Variants in WWOX observed in about 807,000 individuals in gnomAD.
WWOX encodes the protein WW domain containing oxidoreductase, also known as WW domain-containing oxidoreductase.
Under a neutral mutation model 46.2 loss-of-function variants are expected in WWOX, and 69 were observed. The ratio of observed to expected loss-of-function variants is 1.49; its 90% CI spans 1.23 to 1.82. WWOX has a LOEUF of 1.82. Ranked by LOEUF, WWOX falls within the 40% of genes most tolerant of loss-of-function variation. The pLI, the probability that WWOX is intolerant of heterozygous loss-of-function variation, is 0.00. For missense variants in WWOX, 919 were observed against 542.6 expected (o/e 1.69, Z -6.89); for synonymous variants, 359 against 202.6 (o/e 1.77, Z -6.56).
chr16:78,801,543 A>G (rs2050889984), intron 8 of WWOX, among the ~76,000 whole-genome samples: 1 of 152,160 alleles, frequency 6.6e-6, no homozygotes, highest in Non-Finnish European at 1.5e-5. Context: ...TTAGCTTCCG[A>G]TGAGGATATT....
intron 8 of WWOX, among the ~76,000 whole-genome samples, chr16:78,699,390 T>TC (rs1280503011): frequency 1.4e-5 from 2 of 141,170 alleles, no homozygotes; most frequent in Non-Finnish European, 3.0e-5. Context: ...AAAAAAAAAA[T>TC]TAGCCAGGCG....
chr16:78,698,582 A>T (rs917925543), intron 8 of WWOX, among the ~76,000 whole-genome samples: 5 of 152,216 alleles, frequency 3.3e-5, no homozygotes, highest in South Asian at 2.1e-4. Context: ...TAAAAATATT[A>T]TGCTACATTT....
chr16:79,086,481 TGTG>T (rs1395633570), intron 8 of WWOX, among the ~76,000 whole-genome samples: 4 of 152,216 alleles, frequency 2.6e-5, no homozygotes, highest in Non-Finnish European at 4.4e-5. Context: ...TATCAAAACT[TGTG>T]GTGGAAGCAA....
At chr16:78,952,647 G>T (rs981278056) in intron 8 of WWOX, among the ~76,000 whole-genome samples, 2 of 152,070 alleles carry the variant, frequency 1.3e-5, no homozygotes, top group Non-Finnish European at 2.9e-5. Flanking sequence ...GCTTCCCAAA[G>T]TGCTGGGTTT....
chr16:78,760,716 A>G (rs1171286100), intron 8 of WWOX, among the ~76,000 whole-genome samples: 4 of 152,228 alleles, frequency 2.6e-5, no homozygotes, highest in Admixed American at 6.5e-5. Flanking sequence ...GCTGTGGGAC[A>G]TGAGACTCTT....
chr16:78,392,615 CTGTACTT>C (rs2151938414), intron 6 of WWOX, among the ~76,000 whole-genome samples: 1 of 152,258 alleles, frequency 6.6e-6, no homozygotes, highest in East Asian at 1.9e-4. Context: ...TTTCTGCAGT[CTGTACTT>C]TGGTGATTGC....
At chr16:78,690,317 G>A (rs1232590396) in intron 8 of WWOX, among the ~76,000 whole-genome samples, 1 of 152,156 alleles carries the variant, frequency 6.6e-6, no homozygotes, top group Non-Finnish European at 1.5e-5. Context: ...CTGGAAGGCT[G>A]AGTCAGAACG....
chr16:78,933,093 G>C (rs2045659503), intron 8 of WWOX, among the ~76,000 whole-genome samples: 1 of 152,168 alleles, frequency 6.6e-6, no homozygotes, highest in Non-Finnish European at 1.5e-5. Context: ...AGCATCAGTT[G>C]CTACCCCTGA....
intron 5 of WWOX, among the ~76,000 whole-genome samples, chr16:78,208,564 G>A (rs1348502425): frequency 6.6e-6 from 1 of 152,110 alleles, no homozygotes; most frequent in Non-Finnish European, 1.5e-5. Flanking sequence ...TGTTGCAGTT[G>A]CAAACAAAGG....
At chr16:79,128,782 C>T (rs147645286) in intron 8 of WWOX, among the ~76,000 whole-genome samples, 7 of 152,198 alleles carry the variant, frequency 4.6e-5, no homozygotes, top group Admixed American at 6.5e-5. Context: ...ATAACAGAGC[C>T]GGGGGCGGAG....
intron 6 of WWOX, among the ~76,000 whole-genome samples, chr16:78,420,766 G>A (rs2082908755): frequency 6.6e-6 from 1 of 151,278 alleles, no homozygotes; most frequent in African/African-American, 2.4e-5. Flanking sequence ...TAGATTTTAT[G>A]GTATGTGCAT....
chr16:78,164,918 G>C (rs78777402), intron 5 of WWOX, among the ~76,000 whole-genome samples: 1,799 of 152,286 alleles, frequency 0.012, 29 homozygotes, highest in African/African-American at 0.026. Context: ...CATCAGCAGG[G>C]AGCCTTCCAA....
At chr16:78,832,251 TG>T (rs1011421046) in intron 8 of WWOX, among the ~76,000 whole-genome samples, 2 of 152,130 alleles carry the variant, frequency 1.3e-5, no homozygotes, top group African/African-American at 4.8e-5. Context: ...TTCTTCACCA[TG>T]GGGGCCTCTC....
chr16:79,050,800 G>A lies in WWOX; in HGVS notation c.1057-160808G>A, dbSNP rs185350426. 5.8e-3 allele frequency among the ~76,000 whole-genome samples: 889 copies of A among 152,340 alleles called. 9 individuals are homozygous for A. The highest frequency in any genetic ancestry group is 0.02 in the African/African-American group (830 of 41,574). ...CGAACCTGTTGAAGGCCCAGAGCTT[G>A]CTTCTCTTCTGCCGCCTTTAGGAAA... On this transcript the variant is annotated intron_variant, in intron 8 of 8. Transcript: ENST00000566780.
chr16:78,617,181 G>A (rs2046046445), intron 8 of WWOX, among the ~76,000 whole-genome samples: 1 of 152,142 alleles, frequency 6.6e-6, no homozygotes, highest in Non-Finnish European at 1.5e-5. Flanking sequence ...GGAGGCTGAG[G>A]CAGGTGGATC....
chr16:78,811,673 C>T (rs1157341275), intron 8 of WWOX, among the ~76,000 whole-genome samples: 1 of 152,010 alleles, frequency 6.6e-6, no homozygotes, highest in African/African-American at 2.4e-5. Flanking sequence ...GCCCAGCCCC[C>T]TTGTCCTCTT....
At chr16:78,420,254 C>T (rs1045578800) in intron 6 of WWOX, among the ~76,000 whole-genome samples, 3 of 152,056 alleles carry the variant, frequency 2.0e-5, no homozygotes, top group Admixed American at 6.5e-5. Flanking sequence ...ACCCAATAAT[C>T]CCACTCCTAG....
chr16:78,591,847 G>T (rs1382682655), intron 8 of WWOX, among the ~76,000 whole-genome samples: 3 of 152,156 alleles, frequency 2.0e-5, no homozygotes, highest in Non-Finnish European at 4.4e-5. Context: ...TAGAGAAAAG[G>T]TACTCAGTGC....
chr16:78,578,276 A>ATTT (rs2044948523), intron 8 of WWOX, among the ~76,000 whole-genome samples: 18 of 32,924 alleles, frequency 5.5e-4, no homozygotes, highest in African/African-American at 1.8e-3. Flanking sequence ...ATATATATAT[A>ATTT]TATATATATT....
Sources: allele counts gnomAD v4.1 joint callset (sites outside exome capture counted in the v4.1 genomes callset), GRCh38; gene constraint gnomAD v4.1.1; transcripts MANE v1.5; gene names NCBI Gene and HGNC (gene_info 2026-07-23, HGNC 2026-07-21).